Variants in CCDC171 observed in about 807,000 individuals in gnomAD.
The protein encoded by CCDC171 is coiled-coil domain containing 171.
In CCDC171, 177 loss-of-function variants were observed where a neutral mutation model predicts 168.2. The observed-to-expected ratio is 1.05, with a 90% CI of 0.93 to 1.19. CCDC171 has a LOEUF of 1.19. Ranked by LOEUF, CCDC171 falls within the 50% of genes most tolerant of loss-of-function variation. The pLI is 0.00. For synonymous variants in CCDC171, 687 were observed against 540.8 expected (o/e 1.27, Z -3.75); for missense variants, 1,991 against 1,539.0 (o/e 1.29, Z -4.91).
the CCDC171 span, among the ~76,000 whole-genome samples, chr9:16,075,124 C>T: frequency 6.6e-6 from 1 of 152,206 alleles, no homozygotes; most frequent in Non-Finnish European, 1.5e-5. Context: ...GAAATTCATA[C>T]TTTCCTTCTT....
intron 11 of CCDC171, among the ~76,000 whole-genome samples, chr9:15,701,521 G>T (rs1038803354): frequency 7.9e-5 from 12 of 151,076 alleles, no homozygotes; most frequent in Non-Finnish European, 1.5e-4. Context: ...TTTCATGAAA[G>T]AATTCTCTGT....
chr9:15,812,612 G>T (rs914267019), intron 21 of CCDC171, among the ~76,000 whole-genome samples: 2 of 152,152 alleles, frequency 1.3e-5, no homozygotes, highest in Non-Finnish European at 2.9e-5. Flanking sequence ...GGAAGATAAA[G>T]GATAAAGAAG....
chr9:15,938,774 T>G (rs1298468431), intron 25 of CCDC171, among the ~76,000 whole-genome samples: 4 of 151,896 alleles, frequency 2.6e-5, no homozygotes, highest in African/African-American at 9.7e-5. Flanking sequence ...TGACACCAAC[T>G]GGAAAGATAC....
intron 1 of CCDC171, among the ~76,000 whole-genome samples, chr9:16,046,835 T>G (rs1833670230): frequency 1.3e-5 from 2 of 152,180 alleles, no homozygotes; most frequent in South Asian, 4.1e-4. Flanking sequence ...CTTTACAAAT[T>G]ACTCAGCCTT....
chr9:15,758,488 C>G (rs1172549350), intron 18 of CCDC171, among the ~76,000 whole-genome samples: 2 of 152,140 alleles, frequency 1.3e-5, no homozygotes, highest in Non-Finnish European at 2.9e-5. Context: ...GTGGAAGGGA[C>G]TTGCCTTGTC....
At chr9:15,755,874 T>C (rs2056078217) in intron 18 of CCDC171, among the ~76,000 whole-genome samples, 2 of 152,172 alleles carry the variant, frequency 1.3e-5, no homozygotes, top group African/African-American at 4.8e-5. Flanking sequence ...TAAAATTGGT[T>C]GTGGTTATAG....
the CCDC171 span, among the ~76,000 whole-genome samples, chr9:16,096,427 T>C: frequency 6.6e-6 from 1 of 152,172 alleles, no homozygotes; most frequent in African/African-American, 2.4e-5. Flanking sequence ...GATTATATGC[T>C]GCTACAGGAA....
At chr9:15,626,358 G>C (rs1587524515) in intron 7 of CCDC171, among the ~76,000 whole-genome samples, 1 of 152,190 alleles carries the variant, frequency 6.6e-6, no homozygotes, top group East Asian at 1.9e-4. Flanking sequence ...ATGTTGAATA[G>C]GAGTGGTGAG....
intron 6 of CCDC171, among the ~76,000 whole-genome samples, chr9:15,619,555 T>G (rs2044348177): frequency 6.6e-6 from 1 of 152,188 alleles, no homozygotes; most frequent in African/African-American, 2.4e-5. Flanking sequence ...AGAAGAAAAG[T>G]TGGAGGCTAG....
At position 15,578,867 on chromosome 9, in the gene CCDC171, C is replaced by T; in HGVS notation, c.196C>T (p.Gln66Ter). ...HNAELASYESQIAKLRSEVEK... is the reference protein window; with the variant it reads ...HNAELASYES ...TTTTTAGCTGGCAAGCTATGAGAGC[C>T]AGATTGCCAAGCTACGGTCCGAGGT... The change falls in exon 4 of 26, where the codon CAG (glutamine) becomes TAG (stop). Residue 66 changes from glutamine (Q) to a stop codon, truncating the protein, a stop_gained. Coordinates refer to ENST00000380701, the MANE Select transcript of CCDC171 (RefSeq NM_173550.4). LOFTEE classifies it high-confidence loss of function. 1 of 1,612,744 alleles carries T rather than the reference C, an allele frequency of 6.2e-7. No individual in the cohort carries two copies. Among genetic ancestry groups the T allele is most frequent in the South Asian group, 1.1e-5 (1 of 90,902 alleles).
chr9:16,042,215 A>T (rs973980118), upstream of CCDC171, among the ~76,000 whole-genome samples: 1 of 152,188 alleles, frequency 6.6e-6, no homozygotes, highest in Non-Finnish European at 1.5e-5. Flanking sequence ...GAGCGCAGAC[A>T]TATAGTCAAG....
chr9:15,745,544 C>T lies in CCDC171; in HGVS notation c.2584C>T (p.Gln862Ter). 6.3e-7 allele frequency: 1 copy of T among 1,587,940 alleles called. No homozygotes were observed. The highest frequency in any genetic ancestry group is 8.5e-7 in the Non-Finnish European group (1 of 1,170,094). Residue 862 changes from glutamine to a stop codon, truncating the protein, a stop_gained, in exon 18 of 26, where the codon CAA (glutamine) becomes TAA (stop). Coordinates refer to ENST00000380701, the MANE Select transcript of CCDC171 (RefSeq NM_173550.4). LOFTEE classifies it high-confidence loss of function. ...KHQKEQLRCL[Q>*]ALSWLTSSDL... Reference sequence around the variant, plus strand: ...TCAAAAGGAGCAGTTGCGTTGTTTACAAGCGCTCAGTTGGCTCACCAGTTC... The same window carrying T: ...TCAAAAGGAGCAGTTGCGTTGTTTATAAGCGCTCAGTTGGCTCACCAGTTC...
intron 7 of CCDC171, among the ~76,000 whole-genome samples, chr9:15,653,463 TA>T (rs1209020322): frequency 6.6e-6 from 1 of 151,482 alleles, no homozygotes; most frequent in Non-Finnish European, 1.5e-5. Flanking sequence ...ATTGGGTAAA[TA>T]ATGATACCAT....
intron 24 of CCDC171, among the ~76,000 whole-genome samples, chr9:15,909,078 G>A (rs1398610867): frequency 6.6e-6 from 1 of 152,122 alleles, no homozygotes; most frequent in Admixed American, 6.5e-5. Context: ...ATATCACAGA[G>A]TTATATAAGT....
chr9:15,735,345 G>A (rs896968490), intron 16 of CCDC171, among the ~76,000 whole-genome samples: 15 of 152,050 alleles, frequency 9.9e-5, no homozygotes, highest in African/African-American at 3.4e-4. Context: ...TACTAACTTT[G>A]TTTTTGTAAT....
chr9:15,625,900 A>G (rs921703334), intron 7 of CCDC171, among the ~76,000 whole-genome samples: 2 of 152,136 alleles, frequency 1.3e-5, no homozygotes, highest in Non-Finnish European at 2.9e-5. Flanking sequence ...TCTATAAATT[A>G]CCTTGGGGAG....
At chr9:16,105,551 TG>T in the CCDC171 span, among the ~76,000 whole-genome samples, 1 of 152,240 alleles carries the variant, frequency 6.6e-6, no homozygotes, top group South Asian at 2.1e-4. Flanking sequence ...GAACTAGCCT[TG>T]GATGGATTTA....
At chr9:15,559,063 T>C (rs1325395708) in intron 1 of CCDC171, among the ~76,000 whole-genome samples, 1 of 152,182 alleles carries the variant, frequency 6.6e-6, no homozygotes, top group Non-Finnish European at 1.5e-5. Context: ...TTCTTAATCC[T>C]GAGTTGTAGT....
chr9:15,652,100 T>G (rs1414679667), intron 7 of CCDC171, among the ~76,000 whole-genome samples: 1 of 152,120 alleles, frequency 6.6e-6, no homozygotes, highest in South Asian at 2.1e-4. Context: ...AGAGACCAGG[T>G]TTGACTATGT....
Sources: allele counts gnomAD v4.1 joint callset (sites outside exome capture counted in the v4.1 genomes callset), GRCh38; gene constraint gnomAD v4.1.1; transcripts MANE v1.5; gene names NCBI Gene and HGNC (gene_info 2026-07-23, HGNC 2026-07-21).